CATSPERE: variants seen among roughly 807,000 people sequenced by gnomAD.
CATSPERE encodes catsper channel auxiliary subunit epsilon.
Under a neutral mutation model 114.1 loss-of-function variants are expected in CATSPERE, and 93 were observed. The ratio of observed to expected loss-of-function variants is 0.81; its 90% CI spans 0.69 to 0.97. CATSPERE has a LOEUF of 0.97. Among genes scored for constraint, CATSPERE ranks in the 50% least tolerant of loss-of-function variants. The pLI is 0.00. For synonymous variants in CATSPERE, 341 were observed against 384.1 expected, an observed-to-expected ratio of 0.89 and a Z score of 1.31; for missense variants, 1,058 against 1,131.6, an observed-to-expected ratio of 0.93 and a Z score of 0.93.
At chr1:244,602,465 T>C (rs149128837) in intron 17 of CATSPERE, among the ~76,000 whole-genome samples, 2 of 152,264 alleles carry the variant, frequency 1.3e-5, no homozygotes, top group African/African-American at 4.8e-5. Flanking sequence ...TTACAATAAA[T>C]GCCTTAACGT....
At chr1:244,458,703 C>T (rs1666377437), upstream of CATSPERE, among the ~76,000 whole-genome samples, 1 of 152,160 alleles carries the variant, frequency 6.6e-6, no homozygotes, top group Non-Finnish European at 1.5e-5. Context: ...TCCTCTCTAC[C>T]TGATTTCTCC....
intron 17 of CATSPERE, among the ~76,000 whole-genome samples, chr1:244,600,607 C>G (rs569376712): frequency 2.6e-5 from 4 of 152,266 alleles, no homozygotes; most frequent in Non-Finnish European, 5.9e-5. Context: ...GCCTTGAAAC[C>G]CCTAAGCAAA....
chr1:244,459,160 C>A (rs1666424175), upstream of CATSPERE, among the ~76,000 whole-genome samples: 3 of 150,174 alleles, frequency 2.0e-5, no homozygotes, highest in Admixed American at 6.7e-5. Context: ...CTCACTGCAA[C>A]CTCCGCCTCC....
intron 11 of CATSPERE, among the ~76,000 whole-genome samples, chr1:244,581,152 C>A (rs1040519481): frequency 1.1e-4 from 16 of 152,038 alleles, no homozygotes; most frequent in African/African-American, 3.9e-4. Flanking sequence ...ATACACACAT[C>A]CATCCATAAA....
Position 244,489,999 on chromosome 1 carries a change from G to C in CATSPERE, c.327-448G>C, listed in dbSNP as rs143253125. On this transcript the variant is annotated intron_variant, in intron 5 of 21. Transcript: ENST00000366534. ...TTAACAGGTTATTGTTGGCAGACGA[G>C]CATTCAGTGGAGATTGTAAAGTGGT... Among the ~76,000 whole-genome samples, 105 of 152,296 alleles carry C rather than the reference G, an allele frequency of 6.9e-4. 1 individual carries two copies. In the East Asian group the frequency reaches 0.016, roughly 24 times the overall value.
At chr1:244,621,321 T>A (rs1426911472) in intron 20 of CATSPERE, among the ~76,000 whole-genome samples, 5,878 of 19,022 alleles carry the variant, frequency 0.31, 1,949 homozygotes, top group Non-Finnish European at 0.36. Context: ...ATAAAATATA[T>A]ATATATATAT....
At chr1:244,520,583 G>A (rs938311345) in intron 8 of CATSPERE, among the ~76,000 whole-genome samples, 6 of 152,128 alleles carry the variant, frequency 3.9e-5, no homozygotes, top group African/African-American at 1.4e-4. Context: ...CATGCCACCA[G>A]GGCCTTGGGT....
intron 7 of CATSPERE, among the ~76,000 whole-genome samples, chr1:244,514,679 A>G (rs1039407685): frequency 7.9e-5 from 12 of 151,988 alleles, no homozygotes; most frequent in Admixed American, 5.9e-4. Context: ...AATACAAAAA[A>G]TTAGCTGGGC....
intron 10 of CATSPERE, among the ~76,000 whole-genome samples, chr1:244,561,359 G>A (rs539189516): frequency 1.1e-4 from 17 of 152,286 alleles, no homozygotes; most frequent in African/African-American, 3.8e-4. Context: ...TTTTGCCGGG[G>A]AGAGGGGAGT....
chr1:244,622,590 G>A (rs1288314143), intron 20 of CATSPERE, among the ~76,000 whole-genome samples: 1 of 151,896 alleles, frequency 6.6e-6, no homozygotes, highest in East Asian at 1.9e-4. Flanking sequence ...TTTTAGTAGA[G>A]ACAGGGTTTC....
intron 5 of CATSPERE, 66 bp from the exon 6 acceptor site, chr1:244,490,381 G>C: frequency 6.7e-6 from 7 of 1,049,928 alleles, no homozygotes; most frequent in Non-Finnish European, 1.0e-5. Context: ...TATCTTGAAA[G>C]TAGAATATTC....
chr1:244,552,318 TTAGGACCTGGCGTATTG>T lies in CATSPERE; in HGVS notation c.537_553del (p.Trp181AsnfsTer5). On this transcript the variant is annotated splice_acceptor_variant and splice_polypyrimidine_tract_variant and coding_sequence_variant and intron_variant, in exon 9 of 22. Transcript: ENST00000366534. LOFTEE classifies it high-confidence loss of function. ...ATTTTATTCTCTTTTCTTTCTCTTCTTAGGACCTGGCGTATTGTAGTACCAATGACAAAAGATGATGC... is the reference window on the plus strand; with the variant it reads ...ATTTTATTCTCTTTTCTTTCTCTTCTTAGTACCAATGACAAAAGATGATGC... 6.3e-7 allele frequency: 1 copy of T among 1,598,042 alleles called. No homozygotes were observed. The highest frequency in any genetic ancestry group is 8.5e-7 in the Non-Finnish European group (1 of 1,172,624).
chr1:244,568,655 G>T lies in CATSPERE; in HGVS notation c.1508-3675G>T, dbSNP rs554945791. Among the ~76,000 whole-genome samples the T allele has an allele frequency of 7.3e-4, 111 of 152,270 alleles. No individual in the cohort carries two copies. The highest frequency in any genetic ancestry group is 2.6e-3 in the African/African-American group (106 of 41,556). ...TTATTTCCACTGTGAGGGGAAAACC[G>T]CCTACTCAAGCCTCAGTAATGGCAG... On this transcript the variant is annotated intron_variant, in intron 10 of 21. Transcript: ENST00000366534. The surrounding 1 kb of genome is among the most constrained non-coding windows in gnomAD (Gnocchi z 4.4).
At chr1:244,634,931 G>A (rs1289285635) in intron 20 of CATSPERE, among the ~76,000 whole-genome samples, 4 of 152,112 alleles carry the variant, frequency 2.6e-5, no homozygotes, top group South Asian at 2.1e-4. Flanking sequence ...TGCAACCTCC[G>A]CCTCCTGGGT....
intron 13 of CATSPERE, among the ~76,000 whole-genome samples, chr1:244,587,314 A>G (rs1667145027): frequency 6.6e-6 from 1 of 152,236 alleles, no homozygotes; most frequent in Non-Finnish European, 1.5e-5. Context: ...GTAGAGGTAC[A>G]TTTGGGGATA....
intron 5 of CATSPERE, among the ~76,000 whole-genome samples, chr1:244,485,754 G>A (rs1670910064): frequency 6.7e-6 from 1 of 148,862 alleles, no homozygotes; most frequent in Admixed American, 6.7e-5. Context: ...CTGGAGTGCA[G>A]TAGTGCAATC....
intron 7 of CATSPERE, among the ~76,000 whole-genome samples, chr1:244,513,557 C>T (rs74153703): frequency 3.3e-5 from 5 of 152,068 alleles, no homozygotes; most frequent in Admixed American, 6.5e-5. Context: ...ATGATGCATG[C>T]GGGCACTGGT....
intron 8 of CATSPERE, among the ~76,000 whole-genome samples, chr1:244,522,965 A>C (rs766094868): frequency 3.3e-5 from 5 of 152,106 alleles, no homozygotes; most frequent in Non-Finnish European, 7.3e-5. Flanking sequence ...AAAAGAGGGA[A>C]TCCTCCCTAA....
intron 20 of CATSPERE, among the ~76,000 whole-genome samples, chr1:244,620,475 C>A (rs185110813): frequency 1.3e-5 from 2 of 152,238 alleles, no homozygotes; most frequent in East Asian, 3.9e-4. Flanking sequence ...CTTACAATAC[C>A]TACAGAGCAC....
Sources: gnomAD v4.1 joint callset for allele counts (sites outside exome capture counted in the v4.1 genomes callset) on GRCh38, gnomAD v4.1.1 for gene constraint, Gnocchi (gnomAD v3.1) non-coding constraint, MANE v1.5 for transcripts, NCBI Gene and HGNC (gene_info 2026-07-23, HGNC 2026-07-21) for gene names.